The following GPR157 variants were observed in gnomAD, a reference collection of about 807,000 sequenced individuals.
GPR157 encodes the protein G protein-coupled receptor 157, also known as G-protein coupled receptor 157.
GPR157 carries 16 observed loss-of-function variants against 23.5 expected under a neutral mutation model. That is an observed-to-expected ratio of 0.68 (90% CI 0.46 to 1.04). The LOEUF (loss-of-function observed/expected upper bound fraction) is 1.04. Among genes scored for constraint, GPR157 ranks in the 50% least tolerant of loss-of-function variants. The pLI is 0.00. For missense variants in GPR157, 440 were observed against 460.7 expected (o/e 0.96, Z 0.41); for synonymous variants, 200 against 221.5 (o/e 0.90, Z 0.86).
intron 2 of GPR157, among the ~76,000 whole-genome samples, chr1:9,110,416 G>A (rs1040525323): frequency 6.6e-6 from 1 of 152,176 alleles, no homozygotes; most frequent in African/African-American, 2.4e-5. Flanking sequence ...CCAGCTACTC[G>A]GGAGACTGAG....
At chr1:9,109,231 T>G (rs1414860357) in intron 2 of GPR157, among the ~76,000 whole-genome samples, 1 of 151,620 alleles carries the variant, frequency 6.6e-6, no homozygotes, top group Non-Finnish European at 1.5e-5. Context: ...TCTAGGCACC[T>G]GCCACCACGC....
intron 1 of GPR157, among the ~76,000 whole-genome samples, chr1:9,116,210 T>TATATATATTATATATA (rs1638644713): frequency 1.8e-4 from 1 of 5,674 alleles, no homozygotes; most frequent in Non-Finnish European, 2.3e-4. Flanking sequence ...TATATATAAT[T>TATATATATTATATATA]ATATATATAT....
intron 1 of GPR157, among the ~76,000 whole-genome samples, chr1:9,123,303 A>T (rs1638856930): frequency 6.3e-5 from 3 of 47,368 alleles, no homozygotes; most frequent in African/African-American, 3.1e-4. Context: ...TATATATTTA[A>T]TTTAAATATA....
Position 9,100,746 on chromosome 1 carries a change from G to A in GPR157, c.*3673C>T, listed in dbSNP as rs954151746. ...AACAGAGGAGAAAGAAGCCCACTGG[G>A]GCTGTGCAAAGTGTCCAAGGAGCAC... On this transcript the variant is annotated 3_prime_UTR_variant, in exon 4 of 4. Transcript: ENST00000377411. 4 of 152,240 alleles carry A rather than the reference G, an allele frequency of 2.6e-5. No individual in the cohort carries two copies. Among genetic ancestry groups the A allele is most frequent in the Admixed American group, 6.5e-5 (1 of 15,278 alleles). 9.4% of individuals were successfully genotyped at this position (152,240 alleles called of 1,614,324 possible). A position where few individuals can be genotyped will look rare whatever the true frequency, so the allele number is the denominator to read the frequency against.
In GPR157 at chr1:9,104,457, C is replaced by G. The variant is rs1488097629; in HGVS notation, c.970G>C (p.Glu324Gln). The G allele has an allele frequency of 6.2e-7, 1 of 1,613,738 alleles. No individual in the cohort carries two copies. The highest frequency in any genetic ancestry group is 1.3e-5 in the African/African-American group (1 of 74,794). Residue 324 changes from glutamate to glutamine, a missense_variant, in exon 4 of 4, where the codon GAA (glutamate) becomes CAA (glutamine). Physicochemically the swap from Glu to Gln is conservative, Grantham distance 29 (BLOSUM62 2). Coordinates refer to ENST00000377411, the MANE Select transcript of GPR157 (RefSeq NM_024980.5). ...AGTTCCCCTGGGGTCCCTTGGGATT[C>G]CTGAGATTCTCCTGGCTTGGAAGGC... ...PAPSKPGESQ[E>Q]SQGTPGELPS... is the part of the protein sequence containing the mutation.
intron 2 of GPR157, among the ~76,000 whole-genome samples, chr1:9,110,686 G>A (rs1409348762): frequency 6.6e-6 from 1 of 152,168 alleles, no homozygotes; most frequent in Non-Finnish European, 1.5e-5. Flanking sequence ...GGAGGAACTG[G>A]GCCAAGGTGT....
intron 2 of GPR157, among the ~76,000 whole-genome samples, chr1:9,106,502 G>A (rs769401661): frequency 1.5e-4 from 23 of 152,184 alleles, no homozygotes; most frequent in South Asian, 2.1e-4. Flanking sequence ...AAGCCACACC[G>A]ACCTCCTTGT....
At chr1:9,123,272 TTAAA>T (rs1638853448) in intron 1 of GPR157, among the ~76,000 whole-genome samples, 1 of 21,454 alleles carries the variant, frequency 4.7e-5, no homozygotes, top group Non-Finnish European at 9.1e-5. Context: ...ATATATATAT[TTAAA>T]TATATATTTA....
intron 2 of GPR157, among the ~76,000 whole-genome samples, chr1:9,109,382 C>T (rs867976204): frequency 3.3e-5 from 5 of 151,768 alleles, no homozygotes; most frequent in African/African-American, 1.2e-4. Flanking sequence ...CATGCCCAGC[C>T]TTAATTTTAA....
At chr1:9,123,174 A>AATATATATATAT (rs768439052) in intron 1 of GPR157, among the ~76,000 whole-genome samples, 3 of 117,092 alleles carry the variant, frequency 2.6e-5, no homozygotes, top group Admixed American at 1.1e-4. Context: ...AAAAAAAAAA[A>AATATATATATAT]ATATATATAT....
intron 1 of GPR157, among the ~76,000 whole-genome samples, chr1:9,116,282 A>ATTAT (rs1557698084): frequency 1.6e-3 from 2 of 1,222 alleles, no homozygotes; most frequent in African/African-American, 3.1e-3. Context: ...ATTATATATA[A>ATTAT]ATTATATATA....
intron 2 of GPR157, among the ~76,000 whole-genome samples, chr1:9,108,597 T>C (rs975052496): frequency 6.6e-6 from 1 of 152,182 alleles, no homozygotes; most frequent in Non-Finnish European, 1.5e-5. Context: ...ATCCATCACC[T>C]GGGCAGGAGA....
At chr1:9,109,939 GCCTACAAGATGGGTACACACCCT>G (rs1247948848) in intron 2 of GPR157, among the ~76,000 whole-genome samples, 5 of 152,220 alleles carry the variant, frequency 3.3e-5, no homozygotes, top group Admixed American at 2.6e-4. Context: ...AGACAGAATG[GCCTACAAGATGGGTACACACCCT>G]CCTACAATTT....
intron 1 of GPR157, among the ~76,000 whole-genome samples, chr1:9,117,813 A>C (rs182899829): frequency 3.5e-3 from 525 of 151,552 alleles, no homozygotes; most frequent in South Asian, 5.2e-3. Flanking sequence ...AACAAAAAAA[A>C]CCCCCACAGT....
In GPR157 at chr1:9,105,738, C is replaced by G. The variant is rs1322236588; in HGVS notation, c.598-58G>C. ...GATAGGCACCCTCCCGCCACGTCCA[C>G]CCAGGCTGCCCAGGTCTTCCCAGGG... On this transcript the variant is annotated intron_variant, in intron 2 of 3. Coordinates refer to ENST00000377411, the MANE Select transcript of GPR157 (RefSeq NM_024980.5). The surrounding 1 kb of genome is among the most constrained non-coding windows in gnomAD (Gnocchi z 4.8). 8 of 1,429,142 alleles carry G rather than the reference C, an allele frequency of 5.6e-6. No individual in the cohort carries two copies. In the African/African-American group the frequency reaches 8.4e-5, roughly 15 times the overall value. 88.5% of individuals were successfully genotyped at this position (1,429,142 alleles called of 1,614,324 possible).
chr1:9,117,222 G>T (rs938770189), intron 1 of GPR157, among the ~76,000 whole-genome samples: 1 of 151,990 alleles, frequency 6.6e-6, no homozygotes, highest in Non-Finnish European at 1.5e-5. Flanking sequence ...TGGAACAATC[G>T]GGTCTCTCAA....
At chr1:9,107,798 C>T (rs1414080075) in intron 2 of GPR157, among the ~76,000 whole-genome samples, 1 of 152,160 alleles carries the variant, frequency 6.6e-6, no homozygotes, top group East Asian at 1.9e-4. Flanking sequence ...CATGGTGGCG[C>T]ACACCTGTGG....
chr1:9,115,287 A>C (rs1414292660), intron 1 of GPR157, among the ~76,000 whole-genome samples: 1 of 152,222 alleles, frequency 6.6e-6, no homozygotes, highest in East Asian at 1.9e-4. Flanking sequence ...TGAAGCATAC[A>C]ATTTATAAAT....
At chr1:9,117,433 C>A (rs7548738) in intron 1 of GPR157, among the ~76,000 whole-genome samples, 6 of 152,192 alleles carry the variant, frequency 3.9e-5, no homozygotes, top group African/African-American at 1.4e-4. Context: ...ACATGTGTGG[C>A]ATAAATCCTG....
Sources: allele counts gnomAD v4.1 joint callset (sites outside exome capture counted in the v4.1 genomes callset), GRCh38; gene constraint gnomAD v4.1.1; non-coding constraint Gnocchi (gnomAD v3.1); transcripts MANE v1.5; gene names NCBI Gene and HGNC (gene_info 2026-07-23, HGNC 2026-07-21).